RAD51B: variants seen among roughly 807,000 people sequenced by gnomAD.
RAD51B encodes the protein RAD51 paralog B, also known as DNA repair protein RAD51 homolog 2.
RAD51B carries 38 observed loss-of-function variants against 42.2 expected under a neutral mutation model. The ratio of observed to expected loss-of-function variants is 0.90; its 90% CI spans 0.70 to 1.18. RAD51B has a LOEUF of 1.18. Ranked by LOEUF, RAD51B falls within the 50% of genes most tolerant of loss-of-function variation. The pLI is 0.00. For missense variants in RAD51B, 373 were observed against 400.7 expected (o/e 0.93, Z 0.59); for synonymous variants, 154 against 145.2 (o/e 1.06, Z -0.43).
chr14:67,893,353 C>T (rs2043278221), intron 7 of RAD51B, among the ~76,000 whole-genome samples: 1 of 151,664 alleles, frequency 6.6e-6, no homozygotes, highest in African/African-American at 2.4e-5. Flanking sequence ...TGTGCTGGAT[C>T]ACACCTGAAA....
intron 7 of RAD51B, among the ~76,000 whole-genome samples, chr14:68,207,165 A>G (rs1015977361): frequency 6.6e-5 from 10 of 152,162 alleles, no homozygotes; most frequent in African/African-American, 9.7e-5. Context: ...CTATTGAGGT[A>G]TCTTGGCTCT....
chr14:67,893,503 CACACACAAAAA>C lies in RAD51B; in HGVS notation c.756+6301_756+6311del, dbSNP rs1175489039. On this transcript the variant is annotated intron_variant, in intron 7 of 10. Transcript: ENST00000471583. ...ACACACACACACACACACACACACACACACACAAAAAAAAACAATTAGCTGGGTGTGGTGCT... is the reference window on the plus strand; with the variant it reads ...ACACACACACACACACACACACACACAAAACAATTAGCTGGGTGTGGTGCT... Among the ~76,000 whole-genome samples the C allele has an allele frequency of 8.1e-5, 8 of 99,094 alleles. 1 individual carries two copies. The highest frequency in any genetic ancestry group is 4.1e-4 in the African/African-American group (8 of 19,532). 65.0% of individuals were successfully genotyped at this position (99,094 alleles called of 152,430 possible).
At chr14:68,411,615 G>T (rs188988172) in intron 9 of RAD51B, 88 bp downstream of exon 9, 15 of 1,247,970 alleles carry the variant, frequency 1.2e-5, no homozygotes, top group African/African-American at 7.5e-5. Flanking sequence ...AATGCTGGCC[G>T]CATTGTCTGT....
intron 10 of RAD51B, among the ~76,000 whole-genome samples, chr14:68,572,344 T>G (rs749966843): frequency 6.6e-6 from 1 of 152,252 alleles, no homozygotes; most frequent in Non-Finnish European, 1.5e-5. Flanking sequence ...ACGTCACACC[T>G]TGCAGGCTGG....
intron 10 of RAD51B, chr14:68,469,253 C>A: frequency 3.4e-6 from 1 of 294,096 alleles, no homozygotes; most frequent in South Asian, 2.9e-5. Context: ...TGTAATTTCC[C>A]CATGGAGACA....
At chr14:68,506,216 C>T (rs998488219) in intron 10 of RAD51B, among the ~76,000 whole-genome samples, 1 of 152,204 alleles carries the variant, frequency 6.6e-6, no homozygotes, top group Non-Finnish European at 1.5e-5. Flanking sequence ...TCCTCCCAGC[C>T]AGGTTTCAGA....
chr14:68,171,995 C>T (rs1489595262), intron 7 of RAD51B, among the ~76,000 whole-genome samples: 1 of 152,224 alleles, frequency 6.6e-6, no homozygotes. Context: ...GTGTGAGCCA[C>T]CACACCCAGC....
intron 4 of RAD51B, among the ~76,000 whole-genome samples, chr14:67,844,701 T>C (rs898757020): frequency 2.8e-4 from 43 of 151,776 alleles, no homozygotes; most frequent in African/African-American, 1.0e-3. Context: ...ACATGTGCCA[T>C]GTTGGTGTGC....
At chr14:67,915,602 C>T (rs1416306479) in intron 7 of RAD51B, among the ~76,000 whole-genome samples, 1 of 152,166 alleles carries the variant, frequency 6.6e-6, no homozygotes, top group Non-Finnish European at 1.5e-5. Context: ...CCTGCTAGAC[C>T]TACTGCCCTT....
rs142064714 is a variant in RAD51B at position 67,943,329 on chromosome 14, G to T, written c.756+56125G>T. 8.9e-3 allele frequency among the ~76,000 whole-genome samples: 1,350 copies of T among 152,180 alleles called. 21 individuals carry two copies. The highest frequency in any genetic ancestry group is 0.031 in the African/African-American group (1,271 of 41,528). ...TGTTTATAAGTGACCTTTTTAAAAT[G>T]TTTTCTTTATGCTCCCTAAATATAC... On this transcript the variant is annotated intron_variant, in intron 7 of 10. Transcript: ENST00000471583.
intron 7 of RAD51B, among the ~76,000 whole-genome samples, chr14:67,922,103 C>T (rs187103010): frequency 6.6e-5 from 10 of 152,326 alleles, no homozygotes. Context: ...CAGATATCTT[C>T]ACCTTGCAAT....
rs149350234 is a variant in RAD51B, at chr14:68,205,674, A to C, written c.757-86210A>C. Among the ~76,000 whole-genome samples, 1,245 of 152,106 alleles carry C rather than the reference A, an allele frequency of 8.2e-3. 4 individuals carry two copies. Among genetic ancestry groups the C allele is most frequent in the Non-Finnish European group, 0.011 (725 of 67,968 alleles). On this transcript the variant is annotated intron_variant, in intron 7 of 10. Coordinates refer to ENST00000471583, the MANE Select transcript of RAD51B (RefSeq NM_133510.4). The stretch of plus-strand genomic sequence containing the variant: ...AGTTGCAAGAATGAAAACAGTCCAC[A>C]TAACAGTCAAATACCTTTACCCATA...
intron 10 of RAD51B, among the ~76,000 whole-genome samples, chr14:68,581,852 T>TA (rs1269365926): frequency 1.3e-5 from 2 of 151,994 alleles, no homozygotes; most frequent in Non-Finnish European, 2.9e-5. Flanking sequence ...GAAATAACAC[T>TA]ACGCATCTAC....
chr14:68,009,514 A>C (rs1384499620), intron 7 of RAD51B, among the ~76,000 whole-genome samples: 1 of 151,940 alleles, frequency 6.6e-6, no homozygotes, highest in Non-Finnish European at 1.5e-5. Flanking sequence ...AAATCCTGGA[A>C]TACATGTACC....
intron 10 of RAD51B, among the ~76,000 whole-genome samples, chr14:68,649,161 CTCCCAGCTCCAA>C (rs1892648001): frequency 2.6e-5 from 4 of 152,296 alleles, no homozygotes; most frequent in African/African-American, 9.6e-5. Context: ...ATGGATTGAG[CTCCCAGCTCCAA>C]GCTCCGAGCT....
intron 7 of RAD51B, among the ~76,000 whole-genome samples, chr14:68,015,699 G>A (rs981019261): frequency 1.3e-5 from 2 of 152,140 alleles, no homozygotes; most frequent in African/African-American, 2.4e-5. Flanking sequence ...GGGGATTATG[G>A]GAGCTGCAAT....
intron 7 of RAD51B, among the ~76,000 whole-genome samples, chr14:67,933,161 G>A (rs1488375118): frequency 2.0e-5 from 3 of 152,166 alleles, no homozygotes; most frequent in African/African-American, 7.2e-5. Flanking sequence ...CTGCCTTTCC[G>A]GTAGAATGCA....
intron 7 of RAD51B, among the ~76,000 whole-genome samples, chr14:68,231,058 G>A (rs549090367): frequency 6.6e-6 from 1 of 152,164 alleles, no homozygotes; most frequent in Non-Finnish European, 1.5e-5. Flanking sequence ...CAAATAGCTA[G>A]AGGGATATTT....
At chr14:67,885,510 T>C (rs2043035689) in intron 5 of RAD51B, among the ~76,000 whole-genome samples, 1 of 152,096 alleles carries the variant, frequency 6.6e-6, no homozygotes, top group Non-Finnish European at 1.5e-5. Context: ...AATATACTTA[T>C]TTCATTCAAG....
Sources: allele counts gnomAD v4.1 joint callset (sites outside exome capture counted in the v4.1 genomes callset), GRCh38; gene constraint gnomAD v4.1.1; transcripts MANE v1.5; gene names NCBI Gene and HGNC (gene_info 2026-07-23, HGNC 2026-07-21).